TMEM120A: variants seen among roughly 807,000 people sequenced by gnomAD.
The protein encoded by TMEM120A is transmembrane protein 120A.
Under a neutral mutation model 54.3 loss-of-function variants are expected in TMEM120A, and 45 were observed. The ratio of observed to expected loss-of-function variants is 0.83; its 90% CI spans 0.65 to 1.06. TMEM120A has a LOEUF of 1.06. TMEM120A is among the 50% of genes least tolerant of loss of function. TMEM120A has a pLI of 0.00. For missense variants in TMEM120A, 424 were observed against 441.7 expected (o/e 0.96, Z 0.36); for synonymous variants, 204 against 178.5 (o/e 1.14, Z -1.14).
rs1789715098 is a variant in TMEM120A at position 75,989,038 on chromosome 7, GGGGTGGA to G, written c.377+120_377+126del. On this transcript the variant is annotated intron_variant, in intron 4 of 11. Transcript: ENST00000493111. ...GGGGTGGAGGGGAAGGCCGGGTTGGGGGGTGGAGGGGAAGGCCGGGTTCCGGGGGAAG... is the reference window on the plus strand; with the variant it reads ...GGGGTGGAGGGGAAGGCCGGGTTGGGGGGGAAGGCCGGGTTCCGGGGGAAG... 231 of 306,042 alleles carry G rather than the reference GGGGTGGA, an allele frequency of 7.5e-4. 24 individuals carry two copies. Among genetic ancestry groups the G allele is most frequent in the South Asian group, 1.5e-3 (55 of 36,552 alleles). The allele number at this position is 306,042 out of a possible 1,614,324, so 19.0% of individuals were successfully genotyped here.
Position 75,988,241 on chromosome 7 carries a change from G to T in TMEM120A, c.563+11C>A, listed in dbSNP as rs374980586. Reference sequence around the variant, plus strand: ...TCCATGCTCCCCTCCCTCAGGGCCCGCCCTGCCCACCGGGAGCCGTTGTTG... The same window carrying T: ...TCCATGCTCCCCTCCCTCAGGGCCCTCCCTGCCCACCGGGAGCCGTTGTTG... On this transcript the variant is annotated intron_variant, in intron 6 of 11. Transcript: ENST00000493111. 6.2e-7 allele frequency: 1 copy of T among 1,611,844 alleles called. No individual in the cohort carries two copies. Among genetic ancestry groups the T allele is most frequent in the Non-Finnish European group, 8.5e-7 (1 of 1,179,762 alleles).
chr7:75,988,543 G>T lies in TMEM120A; in HGVS notation c.378-27C>A, dbSNP rs571945617. On this transcript the variant is annotated intron_variant, in intron 4 of 11. Coordinates refer to ENST00000493111, the MANE Select transcript of TMEM120A (RefSeq NM_031925.3). ...TGGGGGGCGCAGGCCGGTGAGACGG[G>T]TGGGGTGCTGGTGGGGCCCATGTGT... 2.5e-5 allele frequency: 39 copies of T among 1,560,226 alleles called. No homozygotes were observed. The South Asian group carries it at 4.0e-4, about 16-fold the overall frequency.
In TMEM120A at chr7:75,988,151, G is replaced by A. The variant is rs1554560590; in HGVS notation, c.564-3C>T. ...GGAACACCCACCAGCCTTTGATCCTGGAGCAGAGAGCCACCATCACCCCCA... is the reference window on the plus strand; with the variant it reads ...GGAACACCCACCAGCCTTTGATCCTAGAGCAGAGAGCCACCATCACCCCCA... On this transcript the variant is annotated splice_polypyrimidine_tract_variant and splice_region_variant and intron_variant, in intron 6 of 11. Transcript: ENST00000493111. 1.2e-6 allele frequency: 2 copies of A among 1,610,544 alleles called. No individual in the cohort carries two copies. The highest frequency in any genetic ancestry group is 1.7e-5 in the Admixed American group (1 of 59,666).
rs1789562505 is a variant in TMEM120A at position 75,987,385 on chromosome 7, T to C, written c.893A>G (p.Gln298Arg). 1.3e-6 allele frequency: 2 copies of C among 1,566,074 alleles called. No individual in the cohort carries two copies. Among genetic ancestry groups the C allele is most frequent in the South Asian group, 2.3e-5 (2 of 85,360 alleles). Residue 298 changes from glutamine (Q) to arginine (R), a missense_variant, in exon 11 of 12, where the codon CAG (glutamine) becomes CGG (arginine). Physicochemically the swap from Gln to Arg is conservative, Grantham distance 43 (BLOSUM62 1). Coordinates refer to ENST00000493111, the MANE Select transcript of TMEM120A (RefSeq NM_031925.3). Reference protein sequence around the residue: ...FNALTLFNLAQDPQCKEWQVL... With the variant: ...FNALTLFNLARDPQCKEWQVL... ...CTGCCACTCCTTGCACTGAGGGTCC[T>C]GGGCCAGGTTGAACAACGTCAGCGC...
chr7:75,993,876 C>T (rs1375906643), intron 1 of TMEM120A, among the ~76,000 whole-genome samples: 1 of 152,162 alleles, frequency 6.6e-6, no homozygotes, highest in Non-Finnish European at 1.5e-5. Flanking sequence ...CAATTCCTCC[C>T]GTAGCTTTCC....
At chr7:75,989,626 C>G (rs537227198) in intron 3 of TMEM120A, among the ~76,000 whole-genome samples, 19 of 151,960 alleles carry the variant, frequency 1.3e-4, no homozygotes, top group African/African-American at 4.6e-4. Context: ...ACCTGCAGTA[C>G]TAGGTTCCAC....
At position 75,987,741 on chromosome 7, in the gene TMEM120A, C is replaced by T. The variant is rs782688417; in HGVS notation, c.761G>A (p.Arg254Gln). The T allele has an allele frequency of 1.1e-5, 18 of 1,612,182 alleles. No individual in the cohort carries two copies. The highest frequency in any genetic ancestry group is 4.5e-5 in the East Asian group (2 of 44,872). ...CLYRLRALGE[R>Q]HTMDLTVEGF... ...ACCCACAGTGAGGTCCATGGTGTGC[C>T]GCTCGCCCAGCGCCCGCAGGCGGTA... The change falls in exon 9 of 12, where the codon CGG (arginine) becomes CAG (glutamine). Residue 254 changes from arginine (R) to glutamine (Q), a missense_variant. Coordinates refer to ENST00000493111, the MANE Select transcript of TMEM120A (RefSeq NM_031925.3).
intron 1 of TMEM120A, among the ~76,000 whole-genome samples, chr7:75,993,657 C>A (rs1443477118): frequency 6.6e-6 from 1 of 152,210 alleles, no homozygotes; most frequent in African/African-American, 2.4e-5. Flanking sequence ...AAGGGCTAAC[C>A]AAGCCATCAG....
chr7:75,990,186 T>C (rs1445281676), intron 3 of TMEM120A, among the ~76,000 whole-genome samples: 1 of 152,104 alleles, frequency 6.6e-6, no homozygotes, highest in Non-Finnish European at 1.5e-5. Context: ...CAGCTCGCCA[T>C]CTGGTTCCCA....
At chr7:75,990,341 CCTCA>C (rs769112332) in intron 3 of TMEM120A, among the ~76,000 whole-genome samples, 31 of 152,114 alleles carry the variant, frequency 2.0e-4, no homozygotes, top group Non-Finnish European at 4.1e-4. Context: ...CGGGAGCACT[CCTCA>C]CTCTCATCTC....
At chr7:75,992,963 T>C (rs6467958) in intron 1 of TMEM120A, among the ~76,000 whole-genome samples, 102,188 of 151,634 alleles carry the variant, frequency 0.67, 34,710 homozygotes, top group Middle Eastern at 0.76. Flanking sequence ...CCATCATGCC[T>C]GGCTAATTTT....
At position 75,987,394 on chromosome 7, in the gene TMEM120A, T is replaced by G. The variant is rs782774696; in HGVS notation, c.884A>C (p.Asn295Thr). 5 of 1,565,456 alleles carry G rather than the reference T, an allele frequency of 3.2e-6. No individual in the cohort carries two copies. Among genetic ancestry groups the G allele is most frequent in the African/African-American group, 1.4e-5 (1 of 73,544 alleles). The change falls in exon 11 of 12, where the codon AAC (asparagine) becomes ACC (threonine). Residue 295 changes from asparagine (N) to threonine (T), a missense_variant. Coordinates refer to ENST00000493111, the MANE Select transcript of TMEM120A (RefSeq NM_031925.3). ...CTTGCACTGAGGGTCCTGGGCCAGG[T>G]TGAACAACGTCAGCGCGTTAAAAAG... is the stretch of plus-strand genomic sequence containing the variant. The part of the protein sequence containing the change: ...WQLFNALTLF[N>T]LAQDPQCKEW...
In TMEM120A at chr7:75,988,268, T is replaced by G. The variant is rs1789631649; in HGVS notation, c.547A>C (p.Ile183Leu). 13 of 1,612,126 alleles carry G rather than the reference T, an allele frequency of 8.1e-6. No homozygotes were observed. The highest frequency in any genetic ancestry group is 1.1e-5 in the Non-Finnish European group (13 of 1,179,868). The change falls in exon 6 of 12, where the codon ATC (isoleucine) becomes CTC (leucine). Residue 183 changes from isoleucine (I) to leucine (L), a missense_variant. Ile to Leu is a conservative substitution (Grantham distance 5). Coordinates refer to ENST00000493111, the MANE Select transcript of TMEM120A (RefSeq NM_031925.3). ...CTLTIRESIL[I>L]NNGSRIKGWW... ...CCTGCCCACCGGGAGCCGTTGTTGA[T>G]GAGGATGCTCTCCCGGATGGTCAGG... is the stretch of plus-strand genomic sequence containing the variant.
In TMEM120A at chr7:75,992,552, G is replaced by C. The variant is rs1554562113; in HGVS notation, c.87C>G (p.Thr29=). 5.1e-6 allele frequency: 8 copies of C among 1,571,050 alleles called. No homozygotes were observed. In the Admixed American group the frequency reaches 1.1e-4, roughly 22 times the overall value. Residue 29 remains threonine (T), a synonymous_variant, in exon 2 of 12, where the codon ACC becomes ACG. Transcript: ENST00000493111. The stretch of plus-strand genomic sequence containing the variant: ...CCAGCTTCAGGCGGTAGAGCCGATG[G>C]GTCTCCTGGGGGCCGGAGGGGAGAG... The part of the protein sequence containing the change: ...LQQDFQNIQE[T]HRLYRLKLEE...
At chr7:75,989,469 C>T in intron 3 of TMEM120A, among the ~76,000 whole-genome samples, 1 of 145,442 alleles carries the variant, frequency 6.9e-6, no homozygotes, top group Non-Finnish European at 1.5e-5. Flanking sequence ...CCCCCATCTC[C>T]AGAGTCTTGT....
intron 3 of TMEM120A, 41 bp from the exon 4 acceptor site, chr7:75,989,265 C>T (rs1554561339): frequency 4.5e-6 from 6 of 1,348,242 alleles, no homozygotes; most frequent in Non-Finnish European, 1.0e-6. Flanking sequence ...GCCCGAGTGA[C>T]AGACAAGCCA....
Position 75,988,250 on chromosome 7 carries a change from A to G in TMEM120A, c.563+2T>C, listed in dbSNP as rs782635915. 1.2e-6 allele frequency: 2 copies of G among 1,609,542 alleles called. No homozygotes were observed. The highest frequency in any genetic ancestry group is 1.7e-5 in the Admixed American group (1 of 59,818). ...CCCTCCCTCAGGGCCCGCCCTGCCC[A>G]CCGGGAGCCGTTGTTGATGAGGATG... On this transcript the variant is annotated splice_donor_variant, in intron 6 of 11. Coordinates refer to ENST00000493111, the MANE Select transcript of TMEM120A (RefSeq NM_031925.3). LOFTEE classifies it high-confidence loss of function.
intron 3 of TMEM120A, among the ~76,000 whole-genome samples, chr7:75,991,258 C>T (rs936021867): frequency 6.6e-6 from 1 of 152,134 alleles, no homozygotes. Context: ...GGGCTCAAGG[C>T]AAGAGCTGCA....
chr7:75,989,038 G>GGTGGAGGCT, intron 4 of TMEM120A, 127 bp downstream of exon 4: 1 of 306,264 alleles, frequency 3.3e-6, no homozygotes, highest in Non-Finnish European at 6.2e-6. Flanking sequence ...GCCGGGTTGG[G>GGTGGAGGCT]GGGTGGAGGG....
Sources: gnomAD v4.1 joint callset for allele counts (sites outside exome capture counted in the v4.1 genomes callset) on GRCh38, gnomAD v4.1.1 for gene constraint, MANE v1.5 for transcripts, NCBI Gene and HGNC (gene_info 2026-07-23, HGNC 2026-07-21) for gene names.